The following CAST variants were observed in gnomAD, a reference collection of about 807,000 sequenced individuals.
The protein encoded by CAST is calpastatin, also known as MIR583 host.
In CAST, 76 loss-of-function variants were observed where a neutral mutation model predicts 119.6. That is an observed-to-expected ratio of 0.64 (90% confidence interval 0.53 to 0.77). CAST has a LOEUF of 0.77. Among genes scored for constraint, CAST ranks in the 30% least tolerant of loss-of-function variants. The pLI is 0.00. For synonymous variants in CAST, 319 were observed against 331.6 expected (o/e 0.96, Z 0.41); for missense variants, 953 against 946.5 (o/e 1.01, Z -0.09).
At chr5:96,473,328 A>C in the CAST span, among the ~76,000 whole-genome samples, 1 of 152,244 alleles carries the variant, frequency 6.6e-6, no homozygotes, top group Admixed American at 6.5e-5. Context: ...ACTGTGAGAA[A>C]AATAAAAGGA....
intron 24 of CAST, among the ~76,000 whole-genome samples, chr5:96,757,935 C>T (rs112258961): frequency 9.9e-5 from 15 of 152,080 alleles, no homozygotes; most frequent in African/African-American, 3.4e-4. Flanking sequence ...ATGATCCGCC[C>T]ACCTCGGCCT....
chr5:96,681,042 C>T (rs1751356278), intron 2 of CAST, among the ~76,000 whole-genome samples: 1 of 152,224 alleles, frequency 6.6e-6, no homozygotes. Context: ...CTGAGTCTGA[C>T]TTGGGAGGCT....
In CAST at chr5:96,734,178, A is replaced by T. The variant is rs965447862; in HGVS notation, c.631-1994A>T. Among the ~76,000 whole-genome samples the T allele has an allele frequency of 1.3e-5, 2 of 152,224 alleles. 1 individual carries two copies. The highest frequency in any genetic ancestry group is 4.1e-4 in the South Asian group (2 of 4,836). ...TGTTCTGGGCACAAAGTACATTCCA[A>T]CGTGGGTGAAGCACAGAGGAAGTGA... On this transcript the variant is annotated intron_variant, in intron 9 of 31. Coordinates refer to ENST00000675179, the MANE Select transcript of CAST (RefSeq NM_001750.7).
chr5:96,210,290 C>T, the CAST span: 3 of 151,958 alleles, frequency 2.0e-5, no homozygotes, highest in Non-Finnish European at 4.4e-5. Flanking sequence ...TTTTCTAACA[C>T]AGAATGCAAA....
At chr5:96,047,340 G>T in the CAST span, among the ~76,000 whole-genome samples, 4 of 151,960 alleles carry the variant, frequency 2.6e-5, no homozygotes, top group Non-Finnish European at 5.9e-5. Flanking sequence ...TTATTTTTTC[G>T]GGTGAATTAT....
intron 1 of CAST, among the ~76,000 whole-genome samples, chr5:96,616,824 A>G (rs891031157): frequency 6.6e-6 from 1 of 151,764 alleles, no homozygotes; most frequent in African/African-American, 2.4e-5. Flanking sequence ...ACCAGAAATA[A>G]GACACCAAGC....
the CAST span, among the ~76,000 whole-genome samples, chr5:96,349,104 C>G: frequency 7.7e-6 from 1 of 130,570 alleles, no homozygotes; most frequent in Non-Finnish European, 1.6e-5. Flanking sequence ...TTTCTGGTCT[C>G]TCTCTCATTT....
chr5:96,580,724 T>C (rs1746756588), intron 1 of CAST, among the ~76,000 whole-genome samples: 1 of 152,228 alleles, frequency 6.6e-6, no homozygotes, highest in Non-Finnish European at 1.5e-5. Context: ...AAGCATCACA[T>C]CTTAAGAGAA....
At chr5:96,102,529 G>C in the CAST span, among the ~76,000 whole-genome samples, 1 of 152,130 alleles carries the variant, frequency 6.6e-6, no homozygotes, top group Non-Finnish European at 1.5e-5. Context: ...AGGCAAATAG[G>C]GATAGAAATT....
chr5:96,081,250 G>A, the CAST span, among the ~76,000 whole-genome samples: 2 of 152,274 alleles, frequency 1.3e-5, no homozygotes, highest in East Asian at 3.9e-4. Flanking sequence ...TTTGCCAAGA[G>A]GTATGTGAAA....
the CAST span, among the ~76,000 whole-genome samples, chr5:96,318,078 T>C: frequency 6.6e-6 from 1 of 152,198 alleles, no homozygotes; most frequent in South Asian, 2.1e-4. Flanking sequence ...CAGTAAAATA[T>C]CTAGGCATCT....
the CAST span, among the ~76,000 whole-genome samples, chr5:95,991,658 A>T: frequency 2.0e-5 from 3 of 151,824 alleles, no homozygotes; most frequent in African/African-American, 7.3e-5. Context: ...GGCACGTGCC[A>T]CTGCTCCCGG....
the CAST span, among the ~76,000 whole-genome samples, chr5:96,253,610 A>T: frequency 6.6e-6 from 1 of 152,108 alleles, no homozygotes; most frequent in South Asian, 2.1e-4. Flanking sequence ...TGTAATGAAG[A>T]CTGTCTCATC....
the CAST span, among the ~76,000 whole-genome samples, chr5:96,299,663 A>C: frequency 1.3e-5 from 2 of 152,220 alleles, no homozygotes; most frequent in Non-Finnish European, 2.9e-5. Flanking sequence ...AGTAATATTT[A>C]TCTTCAGCAT....
At chr5:96,408,294 C>T in the CAST span, 11 of 1,613,874 alleles carry the variant, frequency 6.8e-6, no homozygotes, top group East Asian at 4.5e-5. Context: ...TGTGCGTCTC[C>T]GTGCAGTCAT....
chr5:96,591,270 T>C (rs1226033222), intron 1 of CAST, among the ~76,000 whole-genome samples: 1 of 152,236 alleles, frequency 6.6e-6, no homozygotes, highest in East Asian at 1.9e-4. Flanking sequence ...TGAGGATGGC[T>C]GCCTGCAAAA....
chr5:96,722,688 C>T lies in CAST; in HGVS notation c.260C>T (p.Thr87Ile), dbSNP rs75268199. The T allele has an allele frequency of 6.2e-7, 1 of 1,611,230 alleles. No individual in the cohort carries two copies. Among genetic ancestry groups the T allele is most frequent in the African/African-American group, 1.3e-5 (1 of 74,970 alleles). ...AGCAAGTCTTCCAGTATGAATCCCA[C>T]AGAAACCAAGGTATGAAGAATGCTA... ...ATSKSSSMNP[T>I]ETKAIPVSQQ... Residue 87 changes from threonine (T) to isoleucine (I), a missense_variant, in exon 4 of 32, where the codon ACA (threonine) becomes ATA (isoleucine). Transcript: ENST00000675179.
At chr5:96,552,059 C>T (rs1478007910) in intron 1 of CAST, among the ~76,000 whole-genome samples, 1 of 152,106 alleles carries the variant, frequency 6.6e-6, no homozygotes, top group Non-Finnish European at 1.5e-5. Context: ...AGCTCTGAGC[C>T]AAGCAGACCT....
At chr5:96,048,867 G>A in the CAST span, among the ~76,000 whole-genome samples, 1 of 152,170 alleles carries the variant, frequency 6.6e-6, no homozygotes, top group East Asian at 1.9e-4. Context: ...GGTATCCAAT[G>A]GAAGGGGTGA....
Sources: allele counts gnomAD v4.1 joint callset (sites outside exome capture counted in the v4.1 genomes callset), GRCh38; gene constraint gnomAD v4.1.1; transcripts MANE v1.5; gene names NCBI Gene and HGNC (gene_info 2026-07-23, HGNC 2026-07-21).